The following USH2A variants were observed in gnomAD, a reference collection of about 807,000 sequenced individuals.
USH2A encodes the protein usherin.
In USH2A, 443 loss-of-function variants were observed where a neutral mutation model predicts 538.9. The observed-to-expected ratio is 0.82, with a 90% CI of 0.76 to 0.89. The LOEUF (loss-of-function observed/expected upper bound fraction) is 0.89, where lower values mean the gene tolerates loss of function less well. Among genes scored for constraint, USH2A ranks in the 40% least tolerant of loss-of-function variants. USH2A has a pLI of 0.00. For synonymous variants in USH2A, 2,413 were observed against 2,273.5 expected (o/e 1.06, Z -1.75); for missense variants, 6,633 against 6,324.8 (o/e 1.05, Z -1.65).
At chr1:215,740,167 C>A (rs533977543) in intron 60 of USH2A, among the ~76,000 whole-genome samples, 1 of 152,016 alleles carries the variant, frequency 6.6e-6, no homozygotes, top group African/African-American at 2.4e-5. Flanking sequence ...TCTATTTTTT[C>A]TCTTCTTCTC....
chr1:215,842,859 T>A (rs771252580), intron 46 of USH2A, among the ~76,000 whole-genome samples: 1 of 151,984 alleles, frequency 6.6e-6, no homozygotes, highest in Admixed American at 6.6e-5. Flanking sequence ...TAATAATACA[T>A]GTACAGGTAA....
rs375519871 is a variant in USH2A, at chr1:216,083,565, T to C, written c.5189A>G (p.Tyr1730Cys). 182 of 1,612,136 alleles carry C rather than the reference T, an allele frequency of 1.1e-4. No homozygotes were observed. Among genetic ancestry groups the C allele is most frequent in the Non-Finnish European group, 1.5e-4 (177 of 1,178,996 alleles). Residue 1730 changes from tyrosine to cysteine, a missense_variant, in exon 26 of 72, where the codon TAT becomes TGT. By Grantham distance (194) the Tyr-to-Cys change is radical (BLOSUM62 -2). Coordinates refer to ENST00000307340, the MANE Select transcript of USH2A (RefSeq NM_206933.4). ...LGAGFLELHPYMFHGGMNFEI... is the reference protein window; with the variant it reads ...LGAGFLELHPCMFHGGMNFEI... ...AAAGTTCATTCCACCATGAAACATA[T>C]ATGGATGAAGTTCCAGGAACCCTTT...
chr1:215,736,574 G>T (rs1660160796), intron 60 of USH2A, among the ~76,000 whole-genome samples: 2 of 151,888 alleles, frequency 1.3e-5, no homozygotes. Flanking sequence ...TAAAAGTGCT[G>T]GAAGAAATAA....
Position 216,292,188 on chromosome 1 carries a change from C to T in USH2A, c.1827G>A (p.Glu609=), listed in dbSNP as rs983255711. 1 of 1,614,052 alleles carries T rather than the reference C, an allele frequency of 6.2e-7. No individual in the cohort carries two copies. Among genetic ancestry groups the T allele is most frequent in the Non-Finnish European group, 8.5e-7 (1 of 1,179,956 alleles). ...RGGGGVCDDC[E]HNTTGRNCEL... is the part of the protein sequence containing the mutation. ...TTTGCTACTTACCTGTAGTGTTATG[C>T]TCACAATCATCACAAACTCCTCCTC... The change falls in exon 10 of 72, where the codon GAG becomes GAA. Residue 609 remains glutamate (E), a synonymous_variant. Transcript: ENST00000307340.
chr1:216,422,494 C>T lies in USH2A; in HGVS notation c.-158G>A, dbSNP rs960159474. ...GACACGTTCTCAGAGTAAGGTAATACCAACGACGTTCTTAGCAATGGCGAA... is the reference window on the plus strand; with the variant it reads ...GACACGTTCTCAGAGTAAGGTAATATCAACGACGTTCTTAGCAATGGCGAA... On this transcript the variant is annotated 5_prime_UTR_variant, in exon 2 of 72. Transcript: ENST00000307340. 11 of 1,039,364 alleles carry T rather than the reference C, an allele frequency of 1.1e-5. No homozygotes were observed. The highest frequency in any genetic ancestry group is 2.1e-4 in the Middle Eastern group (1 of 4,768). The allele number at this position is 1,039,364 out of a possible 1,614,324, so 64.4% of individuals were successfully genotyped here.
chr1:216,165,299 T>A (rs2034145207), intron 21 of USH2A, among the ~76,000 whole-genome samples: 1 of 152,108 alleles, frequency 6.6e-6, no homozygotes, highest in African/African-American at 2.4e-5. Context: ...TTAATAAGCC[T>A]AAGGAGATCA....
chr1:216,278,106 C>T (rs140258851), intron 11 of USH2A, among the ~76,000 whole-genome samples: 1 of 152,272 alleles, frequency 6.6e-6, no homozygotes, highest in East Asian at 1.9e-4. Flanking sequence ...AATATCCAGA[C>T]ACTACCTAAT....
chr1:216,019,330 C>G (rs780530473), intron 32 of USH2A, among the ~76,000 whole-genome samples: 3 of 152,046 alleles, frequency 2.0e-5, no homozygotes, highest in African/African-American at 7.2e-5. Flanking sequence ...ACAGGACATA[C>G]GAAAGAAGTG....
At chr1:215,981,198 C>T (rs1667744624) in intron 35 of USH2A, among the ~76,000 whole-genome samples, 1 of 152,020 alleles carries the variant, frequency 6.6e-6, no homozygotes, top group African/African-American at 2.4e-5. Flanking sequence ...GGCCCATTTT[C>T]TTATGTTTAT....
At chr1:216,115,275 G>T (rs574844337) in intron 21 of USH2A, among the ~76,000 whole-genome samples, 1 of 152,042 alleles carries the variant, frequency 6.6e-6, no homozygotes, top group Non-Finnish European at 1.5e-5. Context: ...CTGAGTAGCT[G>T]GGACTACAAG....
intron 3 of USH2A, among the ~76,000 whole-genome samples, chr1:216,405,562 G>T (rs1461489070): frequency 2.0e-5 from 3 of 152,060 alleles, no homozygotes; most frequent in African/African-American, 7.2e-5. Context: ...TGCTACAAAG[G>T]ATGTGCACAA....
intron 37 of USH2A, among the ~76,000 whole-genome samples, chr1:215,950,998 C>T (rs1423685080): frequency 6.6e-6 from 1 of 152,096 alleles, no homozygotes; most frequent in African/African-American, 2.4e-5. Context: ...CTTTTCAAGA[C>T]ACCAGCTCCT....
intron 30 of USH2A, among the ~76,000 whole-genome samples, chr1:216,065,922 A>T (rs2031346239): frequency 6.6e-6 from 1 of 151,976 alleles, no homozygotes; most frequent in Non-Finnish European, 1.5e-5. Flanking sequence ...AAAATAAAAT[A>T]AAAAATAAAA....
At chr1:215,775,109 A>G (rs918438783) in intron 55 of USH2A, among the ~76,000 whole-genome samples, 14 of 152,100 alleles carry the variant, frequency 9.2e-5, no homozygotes, top group African/African-American at 3.1e-4. Context: ...TGAGGACATT[A>G]TCACCATCCT....
At chr1:215,999,884 T>G (rs1478346939) in intron 33 of USH2A, among the ~76,000 whole-genome samples, 1 of 152,066 alleles carries the variant, frequency 6.6e-6, no homozygotes, top group African/African-American at 2.4e-5. Flanking sequence ...TATGAACAAG[T>G]ATTAACTCTT....
intron 4 of USH2A, among the ~76,000 whole-genome samples, chr1:216,361,239 T>C (rs2038485502): frequency 6.6e-6 from 1 of 152,118 alleles, no homozygotes; most frequent in Non-Finnish European, 1.5e-5. Flanking sequence ...CTACCTTATA[T>C]AACCTCAAAA....
chr1:215,688,944 C>A, intron 61 of USH2A, among the ~76,000 whole-genome samples: 1 of 151,842 alleles, frequency 6.6e-6, no homozygotes, highest in Non-Finnish European at 1.5e-5. Context: ...GTGGCTTGGA[C>A]TAGGGTGGTA....
At chr1:216,075,935 A>G (rs2031733641) in intron 27 of USH2A, among the ~76,000 whole-genome samples, 2 of 152,138 alleles carry the variant, frequency 1.3e-5, no homozygotes, top group South Asian at 4.1e-4. Flanking sequence ...AGAAGCAGAG[A>G]AAAGGAAAAA....
chr1:215,698,733 AGATGGATAG>A (rs1658900219), intron 61 of USH2A, among the ~76,000 whole-genome samples: 1 of 152,218 alleles, frequency 6.6e-6, no homozygotes, highest in Non-Finnish European at 1.5e-5. Flanking sequence ...GCCCTTTGTC[AGATGGATAG>A]GTTGCAAAAA....
Sources: allele counts gnomAD v4.1 joint callset (sites outside exome capture counted in the v4.1 genomes callset), GRCh38; gene constraint gnomAD v4.1.1; transcripts MANE v1.5; gene names NCBI Gene and HGNC (gene_info 2026-07-23, HGNC 2026-07-21).